ANKRD11: variants seen among roughly 807,000 people sequenced by gnomAD.
ANKRD11 encodes ankyrin repeat domain 11, also known as ankyrin repeat domain-containing protein 11.
A neutral mutation model predicts 195.7 loss-of-function variants in ANKRD11; 17 were observed. The observed-to-expected ratio is 0.09, with a 90% CI of 0.06 to 0.13. The LOEUF (loss-of-function observed/expected upper bound fraction) is 0.13. Among genes scored for constraint, ANKRD11 ranks in the 10% least tolerant of loss-of-function variants. The probability of loss-of-function intolerance (pLI) is 1.00; values close to 1 mark genes in which losing one functional copy is unlikely to be tolerated. For synonymous variants in ANKRD11, 1,953 were observed against 1,528.1 expected (o/e 1.28, Z -6.49); for missense variants, 3,735 against 3,566.1 (o/e 1.05, Z -1.21).
chr16:89,434,342 C>G (rs752118430), intron 1 of ANKRD11, among the ~76,000 whole-genome samples: 2 of 152,184 alleles, frequency 1.3e-5, no homozygotes, highest in African/African-American at 4.8e-5. Flanking sequence ...ATACAGTTGT[C>G]GAAATAATGA....
intron 2 of ANKRD11, among the ~76,000 whole-genome samples, chr16:89,407,533 C>T (rs1350731022): frequency 6.6e-6 from 1 of 152,158 alleles, no homozygotes; most frequent in Admixed American, 6.5e-5. Context: ...AAACAAACTC[C>T]TTCTGGGCCG....
chr16:89,463,559 G>C (rs562004002), intron 1 of ANKRD11, among the ~76,000 whole-genome samples: 6 of 152,026 alleles, frequency 3.9e-5, no homozygotes, highest in Admixed American at 2.6e-4. Context: ...CCTCTGCCTA[G>C]GAAAACCAGA....
chr16:89,300,940 G>A (rs2035815304), intron 4 of ANKRD11: 1 of 695,258 alleles, frequency 1.4e-6, no homozygotes, highest in Non-Finnish European at 2.6e-6. Context: ...GGCTGCCCCA[G>A]GACAAGCAGG....
chr16:89,441,994 A>G (rs1489532479), intron 1 of ANKRD11, among the ~76,000 whole-genome samples: 1 of 152,180 alleles, frequency 6.6e-6, no homozygotes, highest in Non-Finnish European at 1.5e-5. Flanking sequence ...AGAAATTAAA[A>G]ATCCTTGTAC....
At chr16:89,398,634 C>T (rs1222482328) in intron 2 of ANKRD11, among the ~76,000 whole-genome samples, 1 of 152,032 alleles carries the variant, frequency 6.6e-6, no homozygotes, top group Non-Finnish European at 1.5e-5. Flanking sequence ...TTCAGATACT[C>T]AGGGGGCTGA....
At position 89,353,349 on chromosome 16, in the gene ANKRD11, A is replaced by AG. The variant is rs1435208953; in HGVS notation, c.-59-36272_-59-36271insC. ...AGAGTGAGACTCCAACTCCAAAAAA[A>AG]AAGAGAGAGAGAGAGAGAGAGAGAA... is the stretch of plus-strand genomic sequence containing the variant. On this transcript the variant is annotated intron_variant, in intron 2 of 12. Transcript: ENST00000301030. 2.2e-3 allele frequency among the ~76,000 whole-genome samples: 328 copies of AG among 151,406 alleles called. 1 individual carries two copies. Among genetic ancestry groups the AG allele is most frequent in the African/African-American group, 7.1e-3 (289 of 40,822 alleles).
At chr16:89,366,160 C>T (rs2039941885) in intron 2 of ANKRD11, among the ~76,000 whole-genome samples, 2 of 147,594 alleles carry the variant, frequency 1.4e-5, no homozygotes, top group African/African-American at 5.0e-5. Context: ...AAGACATGAT[C>T]TCATTCTTTT....
At chr16:89,432,944 ATCTCTC>A (rs56770747) in intron 1 of ANKRD11, among the ~76,000 whole-genome samples, 21,728 of 108,628 alleles carry the variant, frequency 0.2, 1,706 homozygotes, top group South Asian at 0.23. Context: ...CAGAGACCCT[ATCTCTC>A]TCTCTCTCTC....
In ANKRD11 at chr16:89,460,971, C is replaced by T. The variant is rs191666786; in HGVS notation, c.-145+29274G>A. Among the ~76,000 whole-genome samples, 250 of 82,648 alleles carry T rather than the reference C, an allele frequency of 3.0e-3. 7 individuals carry two copies. The East Asian group carries it at 0.053, about 18-fold the overall frequency. The allele number at this position is 82,648 out of a possible 152,430, so 54.2% of individuals were successfully genotyped here. A position where few individuals can be genotyped will look rare whatever the true frequency, so the allele number is the denominator to read the frequency against. On this transcript the variant is annotated intron_variant, in intron 1 of 12. Coordinates refer to ENST00000301030, the MANE Select transcript of ANKRD11 (RefSeq NM_013275.6). Reference sequence around the variant, plus strand: ...GAAGAAAGGACAAATATCGTATGACCCCCCCCCCCAACAGGAGACGCACCT... The same window carrying T: ...GAAGAAAGGACAAATATCGTATGACTCCCCCCCCCAACAGGAGACGCACCT...
chr16:89,469,379 G>A (rs1047990818), intron 1 of ANKRD11, among the ~76,000 whole-genome samples: 19 of 152,098 alleles, frequency 1.2e-4, no homozygotes, highest in African/African-American at 2.9e-4. Flanking sequence ...ACACTGCCAC[G>A]TCCAGCTAAT....
chr16:89,353,050 G>A (rs1458645312), intron 2 of ANKRD11, among the ~76,000 whole-genome samples: 1 of 152,188 alleles, frequency 6.6e-6, no homozygotes, highest in African/African-American at 2.4e-5. Flanking sequence ...TATAACAAGA[G>A]AAAGTAGGGC....
chr16:89,314,851 G>A (rs568900553), intron 3 of ANKRD11, among the ~76,000 whole-genome samples: 153 of 152,180 alleles, frequency 1.0e-3, no homozygotes, highest in African/African-American at 2.8e-3. Flanking sequence ...TAAAACCTGC[G>A]GGCACAGAGG....
intron 2 of ANKRD11, among the ~76,000 whole-genome samples, chr16:89,364,910 T>C (rs1008072517): frequency 6.6e-6 from 1 of 152,220 alleles, no homozygotes; most frequent in African/African-American, 2.4e-5. Flanking sequence ...CATCGAATGC[T>C]GAATACCTGT....
At chr16:89,423,069 G>C (rs1390071398) in intron 1 of ANKRD11, among the ~76,000 whole-genome samples, 1 of 152,166 alleles carries the variant, frequency 6.6e-6, no homozygotes, top group Non-Finnish European at 1.5e-5. Flanking sequence ...TGCTCCTTCA[G>C]ACAACCAAGG....
chr16:89,383,812 G>A (rs1284982914), intron 2 of ANKRD11, among the ~76,000 whole-genome samples: 3 of 152,172 alleles, frequency 2.0e-5, no homozygotes, highest in African/African-American at 4.8e-5. Context: ...AGCACCCAGA[G>A]GGCAAAGGTG....
intron 2 of ANKRD11, among the ~76,000 whole-genome samples, chr16:89,390,382 A>T (rs1375151844): frequency 1.3e-5 from 2 of 152,170 alleles, no homozygotes; most frequent in Admixed American, 1.3e-4. Context: ...GAGAGAGAGA[A>T]GATCACTGGA....
At chr16:89,375,853 C>A (rs141320672) in intron 2 of ANKRD11, among the ~76,000 whole-genome samples, 2 of 151,874 alleles carry the variant, frequency 1.3e-5, no homozygotes, top group East Asian at 1.9e-4. Context: ...CTAAATGACA[C>A]CACAGACCCA....
At chr16:89,300,717 A>G in intron 4 of ANKRD11, 1 of 538,514 alleles carries the variant, frequency 1.9e-6, no homozygotes, top group Non-Finnish European at 3.3e-6. Flanking sequence ...CGTCAGGAAA[A>G]GACTGAAGGT....
intron 4 of ANKRD11, among the ~76,000 whole-genome samples, chr16:89,302,363 C>T (rs1308125671): frequency 1.3e-5 from 2 of 152,234 alleles, no homozygotes; most frequent in East Asian, 1.9e-4. Context: ...CGCAATTCTC[C>T]TGCCTCAGCC....
Sources: allele counts gnomAD v4.1 joint callset (sites outside exome capture counted in the v4.1 genomes callset), GRCh38; gene constraint gnomAD v4.1.1; transcripts MANE v1.5; gene names NCBI Gene and HGNC (gene_info 2026-07-23, HGNC 2026-07-21).